The following HCN1 variants were observed in gnomAD, a reference collection of about 807,000 sequenced individuals.
The protein encoded by HCN1 is potassium/sodium hyperpolarization-activated cyclic nucleotide-gated channel 1.
A neutral mutation model predicts 78.9 loss-of-function variants in HCN1; 13 were observed. The observed-to-expected ratio is 0.16, with a 90% CI of 0.11 to 0.26. The LOEUF (loss-of-function observed/expected upper bound fraction) is 0.26. Among genes scored for constraint, HCN1 ranks in the 10% least tolerant of loss-of-function variants. HCN1 has a pLI of 1.00. For missense variants in HCN1, 810 were observed against 1,154.3 expected, an observed-to-expected ratio of 0.70 and a Z score of 4.32; for synonymous variants, 552 against 455.5, an observed-to-expected ratio of 1.21 and a Z score of -2.70.
chr5:45,284,866 A>G (rs765119005), intron 6 of HCN1, among the ~76,000 whole-genome samples: 4 of 152,080 alleles, frequency 2.6e-5, no homozygotes, highest in African/African-American at 9.7e-5. Context: ...TCTCTTTTCT[A>G]TGTGTTTCTT....
intron 1 of HCN1, among the ~76,000 whole-genome samples, chr5:45,682,272 CATAT>C (rs548796805): frequency 1.8e-5 from 2 of 109,796 alleles, no homozygotes; most frequent in South Asian, 2.9e-4. Context: ...TATATATATA[CATAT>C]ATATATATAT....
intron 4 of HCN1, among the ~76,000 whole-genome samples, chr5:45,370,050 T>A (rs554783734): frequency 6.6e-6 from 1 of 152,122 alleles, no homozygotes; most frequent in South Asian, 2.1e-4. Flanking sequence ...AGTTAATTTT[T>A]TCTTGGGAAA....
intron 4 of HCN1, among the ~76,000 whole-genome samples, chr5:45,387,099 A>C (rs1561136236): frequency 6.6e-6 from 1 of 151,882 alleles, no homozygotes; most frequent in Non-Finnish European, 1.5e-5. Context: ...ATACTGGTAT[A>C]GTCAGAAAAA....
At chr5:45,611,057 CTTT>C (rs35729058) in intron 2 of HCN1, among the ~76,000 whole-genome samples, 2 of 142,270 alleles carry the variant, frequency 1.4e-5, no homozygotes, top group Non-Finnish European at 1.5e-5. Context: ...AAATTCTTTT[CTTT>C]TTTTTTTTTT....
chr5:45,282,784 C>G (rs1411250122), intron 6 of HCN1, among the ~76,000 whole-genome samples: 1 of 152,156 alleles, frequency 6.6e-6, no homozygotes, highest in Non-Finnish European at 1.5e-5. Flanking sequence ...CAGTAATGCT[C>G]TTGGTCATTC....
At chr5:45,472,517 AG>A (rs1388356018) in intron 2 of HCN1, among the ~76,000 whole-genome samples, 1 of 137,708 alleles carries the variant, frequency 7.3e-6, no homozygotes, top group African/African-American at 2.6e-5. Context: ...AGATGGAGGG[AG>A]GAAGGGAAGG....
At chr5:45,281,875 C>T (rs1745176681) in intron 6 of HCN1, among the ~76,000 whole-genome samples, 1 of 151,670 alleles carries the variant, frequency 6.6e-6, no homozygotes, top group African/African-American at 2.4e-5. Context: ...CAGGTGTGAG[C>T]CACTGAGCCC....
At chr5:45,577,922 G>T (rs570851875) in intron 2 of HCN1, among the ~76,000 whole-genome samples, 1 of 152,102 alleles carries the variant, frequency 6.6e-6, no homozygotes, top group East Asian at 1.9e-4. Context: ...CCAGAGAGTA[G>T]GGTGGTTGGA....
chr5:45,459,906 C>T (rs1330303144), intron 3 of HCN1, among the ~76,000 whole-genome samples: 2 of 151,896 alleles, frequency 1.3e-5, no homozygotes, highest in Non-Finnish European at 2.9e-5. Context: ...CTATTTTTAC[C>T]ATATACTTTC....
At chr5:45,677,564 T>G (rs996182490) in intron 1 of HCN1, among the ~76,000 whole-genome samples, 1 of 151,918 alleles carries the variant, frequency 6.6e-6, no homozygotes, top group African/African-American at 2.4e-5. Context: ...AGAAGGAGGT[T>G]AAATGACATT....
intron 4 of HCN1, among the ~76,000 whole-genome samples, chr5:45,395,262 T>C (rs1157109156): frequency 2.6e-5 from 4 of 152,176 alleles, no homozygotes; most frequent in African/African-American, 9.6e-5. Context: ...TGTAGTCTTA[T>C]CTTAAATCTC....
At chr5:45,579,146 T>C (rs1744006173) in intron 2 of HCN1, among the ~76,000 whole-genome samples, 2 of 152,030 alleles carry the variant, frequency 1.3e-5, no homozygotes. Context: ...AAAGAACAAA[T>C]GTAAGGCACG....
chr5:45,577,848 A>G (rs925000802), intron 2 of HCN1, among the ~76,000 whole-genome samples: 2 of 152,066 alleles, frequency 1.3e-5, no homozygotes, highest in African/African-American at 4.8e-5. Flanking sequence ...GAAGAAAAAA[A>G]TTAAGAAAAT....
chr5:45,482,448 T>C (rs1320979680), intron 2 of HCN1, among the ~76,000 whole-genome samples: 1 of 152,052 alleles, frequency 6.6e-6, no homozygotes. Flanking sequence ...TTGTCACAGT[T>C]TAGAACAAAA....
chr5:45,590,459 G>A (rs987132679), intron 2 of HCN1, among the ~76,000 whole-genome samples: 4 of 152,124 alleles, frequency 2.6e-5, no homozygotes, highest in Admixed American at 2.6e-4. Context: ...ATAGATTGTG[G>A]CTTTGGTATA....
chr5:45,692,295 G>C (rs1739929242), intron 1 of HCN1, among the ~76,000 whole-genome samples: 1 of 152,080 alleles, frequency 6.6e-6, no homozygotes, highest in African/African-American at 2.4e-5. Flanking sequence ...TAAAATTCTA[G>C]CTAATTAATA....
At chr5:45,598,121 A>T (rs1435618273) in intron 2 of HCN1, among the ~76,000 whole-genome samples, 1 of 152,178 alleles carries the variant, frequency 6.6e-6, no homozygotes, top group East Asian at 1.9e-4. Context: ...AATCCTAAGA[A>T]AAAAGAACAA....
At chr5:45,515,384 T>C (rs2111766539) in intron 2 of HCN1, among the ~76,000 whole-genome samples, 1 of 152,160 alleles carries the variant, frequency 6.6e-6, no homozygotes, top group South Asian at 2.1e-4. Flanking sequence ...TTGAAATTGC[T>C]GAACTCTCAT....
intron 2 of HCN1, chr5:45,576,458 A>C (rs928734658): frequency 6.6e-6 from 1 of 152,102 alleles, no homozygotes; most frequent in Non-Finnish European, 1.5e-5. Context: ...CTGAAGGAAG[A>C]GTAAATTGAT....
Sources: allele counts gnomAD v4.1 joint callset (sites outside exome capture counted in the v4.1 genomes callset), GRCh38; gene constraint gnomAD v4.1.1; transcripts MANE v1.5; gene names NCBI Gene and HGNC (gene_info 2026-07-23, HGNC 2026-07-21).